The following C8orf34 variants were observed in gnomAD, a reference collection of about 807,000 sequenced individuals.
The protein encoded by C8orf34 is chromosome 8 open reading frame 34.
A neutral mutation model predicts 68.3 loss-of-function variants in C8orf34; 65 were observed. That is an observed-to-expected ratio of 0.95 (90% CI 0.78 to 1.17). The LOEUF is 1.17. Ranked by LOEUF, C8orf34 falls within the 50% of genes most tolerant of loss-of-function variation. C8orf34 has a pLI of 0.00. For missense variants in C8orf34, 664 were observed against 655.4 expected (o/e 1.01, Z -0.14); for synonymous variants, 244 against 241.2 (o/e 1.01, Z -0.11).
chr8:68,347,344 T>A (rs967289329), intron 1 of C8orf34, among the ~76,000 whole-genome samples: 1 of 152,124 alleles, frequency 6.6e-6, no homozygotes, highest in South Asian at 2.1e-4. Flanking sequence ...CGTACTACAT[T>A]TTTTTAATCC....
chr8:68,520,419 G>A (rs1440684724), intron 5 of C8orf34, among the ~76,000 whole-genome samples: 1 of 152,058 alleles, frequency 6.6e-6, no homozygotes, highest in East Asian at 1.9e-4. Context: ...TGAAGACTCA[G>A]AACACCATCT....
At chr8:68,708,607 G>C (rs1046736568) in intron 8 of C8orf34, among the ~76,000 whole-genome samples, 7 of 152,138 alleles carry the variant, frequency 4.6e-5, no homozygotes, top group Non-Finnish European at 5.9e-5. Context: ...GTGGAATTAG[G>C]AAAATCCTTT....
chr8:68,373,566 G>T (rs80017470), intron 1 of C8orf34, among the ~76,000 whole-genome samples: 6,674 of 152,160 alleles, frequency 0.044, 442 homozygotes, highest in African/African-American at 0.15. Context: ...CAGCTTTAAT[G>T]CTGTAGCCAA....
At chr8:68,766,621 C>T (rs916172347) in intron 10 of C8orf34, among the ~76,000 whole-genome samples, 2 of 152,034 alleles carry the variant, frequency 1.3e-5, no homozygotes, top group Non-Finnish European at 2.9e-5. Flanking sequence ...TTATCTAGAC[C>T]GAAAGCTTTG....
At chr8:68,608,678 G>A (rs1455106996) in intron 7 of C8orf34, among the ~76,000 whole-genome samples, 2 of 151,860 alleles carry the variant, frequency 1.3e-5, no homozygotes, top group Non-Finnish European at 2.9e-5. Context: ...AGGCAAGGAA[G>A]GTCTGGGTAT....
rs181936240 is a variant in C8orf34 at position 68,510,583 on chromosome 8, G to A, written c.766-11216G>A. 6.6e-5 allele frequency among the ~76,000 whole-genome samples: 10 copies of A among 152,246 alleles called. No individual in the cohort carries two copies. The South Asian group carries it at 8.3e-4, about 13-fold the overall frequency. ...GTGAGTTTAGAATTTAATGACAAAC[G>A]TATGATAAGTTTTGAAACATGATTT... On this transcript the variant is annotated intron_variant, in intron 5 of 13. Transcript: ENST00000518698.
chr8:68,674,216 A>G (rs958727954), intron 8 of C8orf34, among the ~76,000 whole-genome samples: 1 of 151,908 alleles, frequency 6.6e-6, no homozygotes, highest in Non-Finnish European at 1.5e-5. Context: ...TACAATAAAT[A>G]TCTAATTCTT....
rs549364789 is a variant in C8orf34 at position 68,635,370 on chromosome 8, A to C, written c.1106-5006A>C. ...CCAGCATGTCTGGGCTCCCTAGCCC[A>C]GAATTAACCACACAATTTCTTCATA... On this transcript the variant is annotated intron_variant, in intron 7 of 13. Coordinates refer to ENST00000518698, the MANE Select transcript of C8orf34 (RefSeq NM_052958.4). 3.9e-5 allele frequency among the ~76,000 whole-genome samples: 6 copies of C among 152,322 alleles called. No individual in the cohort carries two copies. The East Asian group carries it at 1.2e-3, about 29-fold the overall frequency.
intron 10 of C8orf34, among the ~76,000 whole-genome samples, chr8:68,750,630 A>G (rs1822679118): frequency 6.6e-6 from 1 of 152,088 alleles, no homozygotes; most frequent in African/African-American, 2.4e-5. Flanking sequence ...TTTTACCATA[A>G]TAAAAAAAGC....
At chr8:68,595,733 A>G (rs1817530236) in intron 7 of C8orf34, among the ~76,000 whole-genome samples, 1 of 151,858 alleles carries the variant, frequency 6.6e-6, no homozygotes, top group Non-Finnish European at 1.5e-5. Flanking sequence ...ACTTTTGTGT[A>G]TTTTTTCTGT....
At chr8:68,605,211 A>G (rs1228597535) in intron 7 of C8orf34, among the ~76,000 whole-genome samples, 1 of 152,158 alleles carries the variant, frequency 6.6e-6, no homozygotes, top group Non-Finnish European at 1.5e-5. Context: ...GACAGCACCA[A>G]ATGCTGGCAA....
chr8:68,487,829 G>T (rs1490761967), intron 4 of C8orf34, among the ~76,000 whole-genome samples, 194 bp from the exon 5 acceptor site: 1 of 152,174 alleles, frequency 6.6e-6, no homozygotes, highest in Non-Finnish European at 1.5e-5. Flanking sequence ...GTTCATGGCT[G>T]TCATAATTGA....
At chr8:68,332,894 A>C (rs1354744090) in intron 1 of C8orf34, among the ~76,000 whole-genome samples, 1 of 152,292 alleles carries the variant, frequency 6.6e-6, no homozygotes, top group African/African-American at 2.4e-5. Flanking sequence ...CCTTTAGTTT[A>C]ATGATTATTG....
Position 68,536,949 on chromosome 8 carries a change from A to G in C8orf34, c.1105+3800A>G, listed in dbSNP as rs118087669. On this transcript the variant is annotated intron_variant, in intron 7 of 13. Coordinates refer to ENST00000518698, the MANE Select transcript of C8orf34 (RefSeq NM_052958.4). ...TGCTGAATATAGTCATTGAGTTTCT[A>G]TTACCTCAATATGTTACCAAATTTT... Among the ~76,000 whole-genome samples, 1,330 of 152,262 alleles carry G rather than the reference A, an allele frequency of 8.7e-3. 10 individuals carry two copies. Among genetic ancestry groups the G allele is most frequent in the Middle Eastern group, 0.024 (7 of 292 alleles).
intron 1 of C8orf34, among the ~76,000 whole-genome samples, chr8:68,421,126 C>A (rs1809950722): frequency 6.6e-6 from 1 of 152,060 alleles, no homozygotes; most frequent in Admixed American, 6.5e-5. Flanking sequence ...TTGCAAATTA[C>A]AAAAACAAGA....
intron 1 of C8orf34, among the ~76,000 whole-genome samples, chr8:68,418,318 C>T (rs964256934): frequency 2.7e-5 from 4 of 150,662 alleles, no homozygotes; most frequent in African/African-American, 7.4e-5. Flanking sequence ...CTGGCCAGAA[C>T]TTCCAACACT....
intron 8 of C8orf34, among the ~76,000 whole-genome samples, chr8:68,647,111 C>A (rs1320412118): frequency 3.3e-5 from 5 of 152,014 alleles, no homozygotes; most frequent in Admixed American, 6.6e-5. Flanking sequence ...AGCAAAGAAC[C>A]CAATTTAAAA....
intron 11 of C8orf34, among the ~76,000 whole-genome samples, chr8:68,784,952 T>C (rs1490599409): frequency 2.0e-5 from 3 of 152,114 alleles, no homozygotes; most frequent in African/African-American, 7.2e-5. Flanking sequence ...TGGAGAATGA[T>C]TTTAGAAACC....
intron 7 of C8orf34, among the ~76,000 whole-genome samples, chr8:68,572,853 A>T (rs1463049970): frequency 6.6e-6 from 1 of 152,250 alleles, no homozygotes; most frequent in Admixed American, 6.5e-5. Context: ...ATCATTATGG[A>T]TAATGATAAG....
Sources: gnomAD v4.1 joint callset for allele counts (sites outside exome capture counted in the v4.1 genomes callset) on GRCh38, gnomAD v4.1.1 for gene constraint, MANE v1.5 for transcripts, NCBI Gene and HGNC (gene_info 2026-07-23, HGNC 2026-07-21) for gene names.